The following SHQ1 variants were observed in gnomAD, a reference collection of about 807,000 sequenced individuals.
SHQ1 encodes the protein protein SHQ1 homolog.
SHQ1 carries 49 observed loss-of-function variants against 53.8 expected under a neutral mutation model. That is an observed-to-expected ratio of 0.91 (90% CI 0.72 to 1.16). SHQ1 has a LOEUF of 1.16. Ranked by LOEUF, SHQ1 falls within the 50% of genes most tolerant of loss-of-function variation. SHQ1 has a pLI of 0.00. For missense variants in SHQ1, 738 were observed against 683.1 expected (o/e 1.08, Z -0.90); for synonymous variants, 243 against 251.0 (o/e 0.97, Z 0.30).
chr3:72,736,530 C>T, the SHQ1 span, among the ~76,000 whole-genome samples: 1 of 151,468 alleles, frequency 6.6e-6, no homozygotes, highest in Non-Finnish European at 1.5e-5. Flanking sequence ...GTGGCACATG[C>T]CTGTAATCCT....
intron 10 of SHQ1, among the ~76,000 whole-genome samples, chr3:72,767,282 A>T (rs2106731887): frequency 6.6e-6 from 1 of 152,344 alleles, no homozygotes; most frequent in South Asian, 2.1e-4. Context: ...TTCATCCCTG[A>T]TTAGCCAGAG....
At chr3:72,751,531 CATATACAT>C (rs1183113454) in intron 10 of SHQ1, among the ~76,000 whole-genome samples, 6 of 94,082 alleles carry the variant, frequency 6.4e-5, no homozygotes, top group African/African-American at 2.3e-4. Context: ...TATATATATA[CATATACAT>C]ACACTAATAA....
At chr3:72,728,698 G>A in the SHQ1 span, among the ~76,000 whole-genome samples, 1 of 152,206 alleles carries the variant, frequency 6.6e-6, no homozygotes, top group African/African-American at 2.4e-5. Context: ...AGCTTCCATT[G>A]CCTCACCTGG....
At chr3:72,828,852 T>C (rs954811985) in intron 5 of SHQ1, among the ~76,000 whole-genome samples, 1 of 151,928 alleles carries the variant, frequency 6.6e-6, no homozygotes, top group Non-Finnish European at 1.5e-5. Context: ...ACAAAGGAGT[T>C]AGGTACTTTA....
rs1235922990 is a variant in SHQ1, at chr3:72,824,492, G to A, written c.659C>T (p.Thr220Ile). ...EQILKYNPWW[T>I]DKYSKMMAFL... ...GGCCATCATTTTTGAATATTTGTCA[G>A]TCCACCAAGGATTATACTTCAAAAT... Residue 220 changes from threonine (T) to isoleucine (I), a missense_variant, in exon 6 of 11, where the codon ACT becomes ATT. Thr to Ile is a moderately conservative substitution (Grantham distance 89, BLOSUM62 -1). Transcript: ENST00000325599. 1.1e-5 allele frequency: 18 copies of A among 1,612,638 alleles called. No homozygotes were observed. Among genetic ancestry groups the A allele is most frequent in the African/African-American group, 1.3e-5 (1 of 74,962 alleles).
chr3:72,843,142 C>T (rs183967832), intron 2 of SHQ1, among the ~76,000 whole-genome samples: 20 of 151,542 alleles, frequency 1.3e-4, no homozygotes, highest in Admixed American at 9.8e-4. Flanking sequence ...TACAGTATGA[C>T]CTTTACCTAC....
At chr3:72,817,641 T>C (rs1707358905) in intron 6 of SHQ1, among the ~76,000 whole-genome samples, 1 of 152,196 alleles carries the variant, frequency 6.6e-6, no homozygotes, top group Non-Finnish European at 1.5e-5. Flanking sequence ...CCTCCCTTTT[T>C]TGCTACACTG....
chr3:72,833,126 T>C, intron 4 of SHQ1, among the ~76,000 whole-genome samples: 1 of 152,136 alleles, frequency 6.6e-6, no homozygotes, highest in East Asian at 1.9e-4. Flanking sequence ...TTTGGACCAT[T>C]TCAGATTTCA....
chr3:72,750,713 T>C lies in SHQ1; in HGVS notation c.1305A>G (p.Ala435=). 1 of 1,572,242 alleles carries C rather than the reference T, an allele frequency of 6.4e-7. No homozygotes were observed. The highest frequency in any genetic ancestry group is 8.6e-7 in the Non-Finnish European group (1 of 1,157,590). ...CAGAAACTGAATGGGCTGCTTTTAA[T>C]GCAGTTTCTTCCTCCTGGACAAGCA... ...AALLVQEEET[A]LKAAHSVSGQ... The change falls in exon 11 of 11, where the codon GCA becomes GCG. Residue 435 remains alanine (A), a synonymous_variant. Transcript: ENST00000325599.
At chr3:72,815,486 C>G (rs1177579549) in intron 7 of SHQ1, 83 bp from the exon 8 acceptor site, 9 of 1,070,460 alleles carry the variant, frequency 8.4e-6, no homozygotes, top group African/African-American at 1.6e-5. Flanking sequence ...TTTATTCAAC[C>G]AGTGTCTGAG....
chr3:72,812,249 T>C (rs531320962), intron 9 of SHQ1, among the ~76,000 whole-genome samples: 33 of 152,314 alleles, frequency 2.2e-4, no homozygotes, highest in African/African-American at 7.9e-4. Context: ...TTCACTCTCT[T>C]TGGAATTGCT....
At chr3:72,799,543 A>G (rs947301777) in intron 9 of SHQ1, among the ~76,000 whole-genome samples, 1 of 152,204 alleles carries the variant, frequency 6.6e-6, no homozygotes, top group African/African-American at 2.4e-5. Flanking sequence ...CCTAGCAATT[A>G]ACACAAACAC....
intron 5 of SHQ1, among the ~76,000 whole-genome samples, chr3:72,827,899 C>T (rs971705706): frequency 8.6e-5 from 13 of 151,798 alleles, no homozygotes; most frequent in African/African-American, 3.1e-4. Flanking sequence ...GGACTACAGG[C>T]GCCCGCCACC....
the SHQ1 span, among the ~76,000 whole-genome samples, chr3:72,741,058 A>G: frequency 1.3e-5 from 2 of 152,144 alleles, no homozygotes; most frequent in East Asian, 3.8e-4. Context: ...CAGAGATTCT[A>G]TTTCCACTGT....
intron 10 of SHQ1, among the ~76,000 whole-genome samples, chr3:72,772,354 C>T (rs1188004368): frequency 2.0e-5 from 3 of 152,140 alleles, no homozygotes; most frequent in South Asian, 4.2e-4. Context: ...AAGATGCAGA[C>T]GGTGTGGAAT....
chr3:72,728,096 G>A, the SHQ1 span, among the ~76,000 whole-genome samples: 1 of 152,296 alleles, frequency 6.6e-6, no homozygotes, highest in East Asian at 1.9e-4. Context: ...GCAACACACG[G>A]TGAATGCTTT....
At chr3:72,814,459 A>G (rs888553051) in intron 8 of SHQ1, 1 of 152,250 alleles carries the variant, frequency 6.6e-6, no homozygotes, top group Non-Finnish European at 1.5e-5. Context: ...ATGAGCTCCC[A>G]GCTGAAGCTG....
At chr3:72,781,804 G>A (rs1157440049) in intron 10 of SHQ1, among the ~76,000 whole-genome samples, 4 of 152,016 alleles carry the variant, frequency 2.6e-5, no homozygotes, top group African/African-American at 4.8e-5. Context: ...GGTATGGTAA[G>A]TAGCCACTAA....
At chr3:72,765,360 T>C (rs1705697038) in intron 10 of SHQ1, among the ~76,000 whole-genome samples, 1 of 150,954 alleles carries the variant, frequency 6.6e-6, no homozygotes, top group Non-Finnish European at 1.5e-5. Flanking sequence ...GGCACTAGCC[T>C]CCCAAGAGTA....
Sources: gnomAD v4.1 joint callset for allele counts (sites outside exome capture counted in the v4.1 genomes callset) on GRCh38, gnomAD v4.1.1 for gene constraint, MANE v1.5 for transcripts, NCBI Gene and HGNC (gene_info 2026-07-23, HGNC 2026-07-21) for gene names.